Variants in PGRMC2 observed in about 807,000 individuals in gnomAD.
PGRMC2 encodes the protein membrane-associated progesterone receptor component 2.
In PGRMC2, 9 loss-of-function variants were observed where a neutral mutation model predicts 19.3. That is an observed-to-expected ratio of 0.47 (90% CI 0.28 to 0.81). The LOEUF is 0.81. Ranked by LOEUF, PGRMC2 falls within the 40% of genes least tolerant of loss-of-function variation. The pLI is 0.11. For synonymous variants in PGRMC2, 157 were observed against 124.6 expected, an observed-to-expected ratio of 1.26 and a Z score of -1.73; for missense variants, 289 against 297.3, an observed-to-expected ratio of 0.97 and a Z score of 0.21.
intron 1 of PGRMC2, among the ~76,000 whole-genome samples, chr4:128,282,311 T>C (rs1413207559): frequency 6.6e-6 from 1 of 152,194 alleles, no homozygotes; most frequent in African/African-American, 2.4e-5. Context: ...GTCATGTCTG[T>C]CTTGGGTGCA....
intron 1 of PGRMC2, among the ~76,000 whole-genome samples, chr4:128,274,963 C>T (rs138598999): frequency 4.3e-4 from 66 of 152,200 alleles, no homozygotes; most frequent in African/African-American, 1.4e-3. Context: ...TGTGATTTGC[C>T]TAAAATTACT....
chr4:128,271,313 A>G lies in PGRMC2; in HGVS notation c.*3T>C, dbSNP rs1469209585. ...GGCCCCTGACTTTGGTTGTTTACAA[A>G]GTTCAATCCTGTTTATTGTGATCCT... On this transcript the variant is annotated 3_prime_UTR_variant, in exon 3 of 3. Transcript: ENST00000296425. 1.3e-6 allele frequency: 2 copies of G among 1,535,816 alleles called. No individual in the cohort carries two copies. The highest frequency in any genetic ancestry group is 2.7e-5 in the African/African-American group (2 of 73,216).
intron 2 of PGRMC2, among the ~76,000 whole-genome samples, 191 bp from the exon 3 acceptor site, chr4:128,271,604 G>T (rs1578881144): frequency 6.6e-6 from 1 of 152,206 alleles, no homozygotes; most frequent in East Asian, 1.9e-4. Flanking sequence ...AAGAAAACAG[G>T]ATTAGGGAAC....
chr4:128,278,352 C>T (rs1370241499), intron 1 of PGRMC2, among the ~76,000 whole-genome samples: 1 of 152,074 alleles, frequency 6.6e-6, no homozygotes, highest in Non-Finnish European at 1.5e-5. Context: ...GGGTAGATCA[C>T]GAGGTCAGGA....
At position 128,282,080 on chromosome 4, in the gene PGRMC2, ATC is replaced by A. The variant is rs576981224; in HGVS notation, c.418+5291_418+5292del. Among the ~76,000 whole-genome samples the A allele has an allele frequency of 6.6e-3, 1,002 of 152,310 alleles. 8 individuals carry two copies. The highest frequency in any genetic ancestry group is 0.023 in the African/African-American group (960 of 41,554). On this transcript the variant is annotated intron_variant, in intron 1 of 2. Coordinates refer to ENST00000296425, the MANE Select transcript of PGRMC2 (RefSeq NM_006320.6). Reference sequence around the variant, plus strand: ...TTACAGATTATAATTACATACTGAAATCCTTGTTTACTGCCTCTCTTCCTTAA... The same window carrying A: ...TTACAGATTATAATTACATACTGAAACTTGTTTACTGCCTCTCTTCCTTAA...
chr4:128,272,694 A>C, intron 1 of PGRMC2, 177 bp from the exon 2 acceptor site: 1 of 400,710 alleles, frequency 2.5e-6, no homozygotes, highest in Non-Finnish European at 4.3e-6. Flanking sequence ...TAAGAAAAGA[A>C]ATTTGTTGGA....
intron 1 of PGRMC2, among the ~76,000 whole-genome samples, chr4:128,279,531 T>C (rs1760872130): frequency 6.6e-6 from 1 of 152,172 alleles, no homozygotes; most frequent in South Asian, 2.1e-4. Context: ...TAATTTTATT[T>C]CCAGGAATTT....
chr4:128,275,055 A>C (rs1042775307), intron 1 of PGRMC2, among the ~76,000 whole-genome samples: 2 of 152,218 alleles, frequency 1.3e-5, no homozygotes, highest in African/African-American at 4.8e-5. Flanking sequence ...CACAAGCCCA[A>C]AGATGGAGTA....
At chr4:128,281,070 G>C (rs1760904268) in intron 1 of PGRMC2, among the ~76,000 whole-genome samples, 2 of 152,170 alleles carry the variant, frequency 1.3e-5, no homozygotes, top group Non-Finnish European at 2.9e-5. Flanking sequence ...TGATAACCAT[G>C]TTAGTAAATT....
intron 1 of PGRMC2, among the ~76,000 whole-genome samples, chr4:128,283,091 T>G (rs564699632): frequency 9.2e-5 from 14 of 152,314 alleles, no homozygotes; most frequent in African/African-American, 3.1e-4. Flanking sequence ...TTTTTGCCAT[T>G]CCAAAAAAAT....
rs1760699757 is a variant in PGRMC2 at position 128,269,842 on chromosome 4, C to T, written c.*1474G>A. On this transcript the variant is annotated 3_prime_UTR_variant, in exon 3 of 3. Transcript: ENST00000296425. ...TCTTTTACTGTTTTGTGTTCAATAA[C>T]CACCTGGAGTGCTAATTGTCTAGTA... The T allele has an allele frequency of 6.6e-6, 1 of 152,158 alleles. No homozygotes were observed. Among genetic ancestry groups the T allele is most frequent in the South Asian group, 2.1e-4 (1 of 4,836 alleles). The allele number at this position is 152,158 out of a possible 1,614,324, so 9.4% of individuals were successfully genotyped here.
intron 2 of PGRMC2, 111 bp from the exon 3 acceptor site, chr4:128,271,524 GAAT>G: frequency 1.8e-6 from 1 of 567,584 alleles, no homozygotes; most frequent in Admixed American, 3.2e-5. Context: ...ATGATTATTA[GAAT>G]ATTATCTAAA....
Position 128,270,486 on chromosome 4 carries a change from T to C in PGRMC2, c.*830A>G, listed in dbSNP as rs749287447. On this transcript the variant is annotated 3_prime_UTR_variant, in exon 3 of 3. Transcript: ENST00000296425. ...TACACAGAATGATATCAAGGTTTTA[T>C]GGTCAACAGAATATTCCAACTTCAG... 1 of 152,678 alleles carries C rather than the reference T, an allele frequency of 6.5e-6. No homozygotes were observed. The highest frequency in any genetic ancestry group is 1.5e-5 in the Non-Finnish European group (1 of 68,040). The allele number at this position is 152,678 out of a possible 1,614,324, so 9.5% of individuals were successfully genotyped here.
At position 128,271,071 on chromosome 4, in the gene PGRMC2, CCT is replaced by C. The variant is rs373445236; in HGVS notation, c.*243_*244del. ...GACTTTCTTGCTCTTTAAAAAAATC[CCT>C]GTCTCCTTCTTTTCAGGATGATGAA... On this transcript the variant is annotated 3_prime_UTR_variant, in exon 3 of 3. Coordinates refer to ENST00000296425, the MANE Select transcript of PGRMC2 (RefSeq NM_006320.6). 269 of 323,680 alleles carry C rather than the reference CCT, an allele frequency of 8.3e-4. 1 individual carries two copies. The highest frequency in any genetic ancestry group is 5.1e-3 in the African/African-American group (238 of 46,976). 20.1% of individuals were successfully genotyped at this position (323,680 alleles called of 1,614,324 possible).
rs1418023567 is a variant in PGRMC2, at chr4:128,287,513, G to A, written c.278C>T (p.Thr93Ile). The A allele has an allele frequency of 1.2e-6, 2 of 1,608,734 alleles. No individual in the cohort carries two copies. The highest frequency in any genetic ancestry group is 1.7e-6 in the Non-Finnish European group (2 of 1,178,018). The change falls in exon 1 of 3, where the codon ACC (threonine) becomes ATC (isoleucine). Residue 93 changes from threonine to isoleucine, a missense_variant. Transcript: ENST00000296425. ...GAGAGEESPA[T>I]SLPRMKKRDF... ...CCGCTTCTTCATGCGAGGCAGAGAGGTGGCGGGGCTCTCCTCGCCCGCCCC... is the reference window on the plus strand; with the variant it reads ...CCGCTTCTTCATGCGAGGCAGAGAGATGGCGGGGCTCTCCTCGCCCGCCCC...
intron 2 of PGRMC2, among the ~76,000 whole-genome samples, 173 bp from the exon 3 acceptor site, chr4:128,271,586 C>A (rs1238070155): frequency 6.6e-6 from 1 of 152,080 alleles, no homozygotes; most frequent in Admixed American, 6.6e-5. Flanking sequence ...CATGTAAAGC[C>A]TGAACAAAAG....
At chr4:128,278,616 T>C (rs1178878651) in intron 1 of PGRMC2, among the ~76,000 whole-genome samples, 2 of 151,968 alleles carry the variant, frequency 1.3e-5, no homozygotes, top group Non-Finnish European at 2.9e-5. Context: ...TGGACTCTAA[T>C]TTCACATCTT....
At chr4:128,284,038 T>C (rs1480520874) in intron 1 of PGRMC2, among the ~76,000 whole-genome samples, 1 of 151,836 alleles carries the variant, frequency 6.6e-6, no homozygotes, top group Non-Finnish European at 1.5e-5. Flanking sequence ...CTCAAACTCC[T>C]GACCTCAAGT....
In PGRMC2 at chr4:128,270,614, T is replaced by C. The variant is rs1156509977; in HGVS notation, c.*702A>G. On this transcript the variant is annotated 3_prime_UTR_variant, in exon 3 of 3. Transcript: ENST00000296425. ...AAATAAGGCACAATTAATATTGATT[T>C]GATTTAGGGAAAGGGAAGGAAAGAG... is the stretch of plus-strand genomic sequence containing the variant. 6.6e-6 allele frequency: 1 copy of C among 152,662 alleles called. No homozygotes were observed. The highest frequency in any genetic ancestry group is 1.5e-5 in the Non-Finnish European group (1 of 68,024). 9.5% of individuals were successfully genotyped at this position (152,662 alleles called of 1,614,324 possible).
Sources: allele counts gnomAD v4.1 joint callset (sites outside exome capture counted in the v4.1 genomes callset), GRCh38; gene constraint gnomAD v4.1.1; transcripts MANE v1.5; gene names NCBI Gene and HGNC (gene_info 2026-07-23, HGNC 2026-07-21).